NRXN1: variants seen among roughly 807,000 people sequenced by gnomAD.
NRXN1 encodes the protein neurexin-1.
A neutral mutation model predicts 150.9 loss-of-function variants in NRXN1; 39 were observed. The observed-to-expected ratio is 0.26, with a 90% CI of 0.20 to 0.34. NRXN1 has a LOEUF of 0.34. Ranked by LOEUF, NRXN1 falls within the 10% of genes least tolerant of loss-of-function variation. NRXN1 has a pLI of 1.00. For synonymous variants in NRXN1, 924 were observed against 757.0 expected (o/e 1.22, Z -3.62); for missense variants, 1,815 against 1,949.9 (o/e 0.93, Z 1.30).
intron 8 of NRXN1, among the ~76,000 whole-genome samples, chr2:50,612,223 T>C (rs145269490): frequency 7.2e-4 from 106 of 147,282 alleles, no homozygotes; most frequent in African/African-American, 2.5e-3. Flanking sequence ...AGGGATAGTA[T>C]TTATGTGTAC....
At position 50,160,344 on chromosome 2, in the gene NRXN1, C is replaced by T. The variant is rs946372800; in HGVS notation, c.3547-68850G>A. Among the ~76,000 whole-genome samples, 12 of 152,108 alleles carry T rather than the reference C, an allele frequency of 7.9e-5. No homozygotes were observed. The East Asian group carries it at 2.3e-3, about 29-fold the overall frequency. On this transcript the variant is annotated intron_variant, in intron 18 of 22. Transcript: ENST00000401669. ...TCACCTTAGGTCAGGAGTTCGAAAC[C>T]AGCCTGACCAACATGGTGAAAACCC... is the stretch of plus-strand genomic sequence containing the variant.
intron 5 of NRXN1, among the ~76,000 whole-genome samples, chr2:50,831,740 G>A (rs560111361): frequency 1.1e-4 from 17 of 152,298 alleles, no homozygotes; most frequent in African/African-American, 3.8e-4. Flanking sequence ...TGTAACAAGA[G>A]AGCATTCTCC....
At chr2:49,962,397 T>C (rs1676126878) in intron 21 of NRXN1, among the ~76,000 whole-genome samples, 1 of 152,220 alleles carries the variant, frequency 6.6e-6, no homozygotes, top group African/African-American at 2.4e-5. Context: ...CTGTAAAAGT[T>C]TTGTTGCTTC....
chr2:50,497,706 C>A lies in NRXN1; in HGVS notation c.2506G>T (p.Ala836Ser). Residue 836 changes from alanine (A) to serine (S), a missense_variant, in exon 14 of 23, where the codon GCA becomes TCA. Physicochemically the swap from Ala to Ser is moderately conservative, Grantham distance 99. Transcript: ENST00000401669. ...DDQQAMTGQM[A>S]GDHTRLEFHN... ...AACTCCAGCCTAGTATGATCACCTG[C>A]CATTTGACCTAAAAGAGAAGATAAT... 6.2e-7 allele frequency: 1 copy of A among 1,606,772 alleles called. No individual in the cohort carries two copies. The highest frequency in any genetic ancestry group is 8.5e-7 in the Non-Finnish European group (1 of 1,175,354).
intron 5 of NRXN1, among the ~76,000 whole-genome samples, chr2:50,834,563 G>A (rs999297284): frequency 5.9e-5 from 9 of 152,078 alleles, no homozygotes; most frequent in Admixed American, 4.6e-4. Context: ...TTTGAATTGA[G>A]ATAAGAATAA....
chr2:51,029,526 C>G (rs1457408815), intron 1 of NRXN1, among the ~76,000 whole-genome samples: 1 of 152,144 alleles, frequency 6.6e-6, no homozygotes, highest in African/African-American at 2.4e-5. Flanking sequence ...AGAACAAATG[C>G]TTTTAAGGAT....
chr2:51,019,992 C>G (rs1669336268), intron 2 of NRXN1, among the ~76,000 whole-genome samples: 2 of 151,508 alleles, frequency 1.3e-5, no homozygotes, highest in Non-Finnish European at 2.9e-5. Flanking sequence ...TACTTTGTAA[C>G]TAAGCTTTTT....
chr2:50,616,954 C>T (rs1679160400), intron 8 of NRXN1, among the ~76,000 whole-genome samples: 1 of 152,166 alleles, frequency 6.6e-6, no homozygotes, highest in African/African-American at 2.4e-5. Context: ...AAGAGAGATT[C>T]TGTGAGAATG....
At chr2:50,011,818 T>C (rs919207537) in intron 21 of NRXN1, among the ~76,000 whole-genome samples, 2 of 151,926 alleles carry the variant, frequency 1.3e-5, no homozygotes, top group Non-Finnish European at 2.9e-5. Context: ...TCATAGAAAA[T>C]TGGAGATAGG....
chr2:50,324,790 C>T (rs2076280534), intron 17 of NRXN1, among the ~76,000 whole-genome samples: 1 of 152,236 alleles, frequency 6.6e-6, no homozygotes, highest in Non-Finnish European at 1.5e-5. Flanking sequence ...TCACCTCCCA[C>T]CAGATGGCCC....
intron 5 of NRXN1, among the ~76,000 whole-genome samples, chr2:50,649,627 C>A (rs1047253899): frequency 6.6e-6 from 1 of 151,894 alleles, no homozygotes. Context: ...ATTTTTGTGA[C>A]CCTGAAGCCA....
chr2:50,827,071 G>C (rs1342731758), intron 5 of NRXN1, among the ~76,000 whole-genome samples: 1 of 152,184 alleles, frequency 6.6e-6, no homozygotes, highest in Non-Finnish European at 1.5e-5. Context: ...TGTCAACTTT[G>C]TGACTTGCTA....
intron 18 of NRXN1, among the ~76,000 whole-genome samples, chr2:50,105,022 C>T (rs533849608): frequency 6.6e-6 from 1 of 152,144 alleles, no homozygotes; most frequent in African/African-American, 2.4e-5. Context: ...TGAAGTCACG[C>T]AGCTAAAACA....
intron 15 of NRXN1, among the ~76,000 whole-genome samples, chr2:50,474,704 A>AAAAAAAAAC (rs201849403): frequency 6.6e-6 from 1 of 150,508 alleles, no homozygotes; most frequent in Non-Finnish European, 1.5e-5. Flanking sequence ...AAAAAAAAAA[A>AAAAAAAAAC]AAGTCCAACC....
At chr2:50,695,601 A>G (rs1204448245) in intron 5 of NRXN1, among the ~76,000 whole-genome samples, 1 of 152,188 alleles carries the variant, frequency 6.6e-6, no homozygotes, top group Non-Finnish European at 1.5e-5. Context: ...AGCACAAATT[A>G]TTGTACAAAA....
chr2:50,106,639 C>T (rs1701684037), intron 18 of NRXN1, among the ~76,000 whole-genome samples: 1 of 151,810 alleles, frequency 6.6e-6, no homozygotes, highest in African/African-American at 2.4e-5. Flanking sequence ...GATAAACTTT[C>T]CTAGTCAAAA....
chr2:50,111,802 T>G lies in NRXN1; in HGVS notation c.3547-20308A>C, dbSNP rs962154966. 3.9e-5 allele frequency among the ~76,000 whole-genome samples: 6 copies of G among 152,168 alleles called. 1 individual carries two copies. The highest frequency in any genetic ancestry group is 3.3e-4 in the Admixed American group (5 of 15,278). Reference sequence around the variant, plus strand: ...CAGGTTTTCTGCTGGAAAAATCACCTTCCATTCTTTAACTATCAATCCTTA... The same window carrying G: ...CAGGTTTTCTGCTGGAAAAATCACCGTCCATTCTTTAACTATCAATCCTTA... On this transcript the variant is annotated intron_variant, in intron 18 of 22. Transcript: ENST00000401669.
At chr2:50,800,911 A>AT (rs1326226845) in intron 5 of NRXN1, among the ~76,000 whole-genome samples, 5 of 152,144 alleles carry the variant, frequency 3.3e-5, no homozygotes, top group Admixed American at 2.6e-4. Flanking sequence ...ATTTGGAACT[A>AT]TTTTTTAATT....
chr2:49,989,778 T>C (rs1440814006), intron 21 of NRXN1, among the ~76,000 whole-genome samples: 1 of 152,168 alleles, frequency 6.6e-6, no homozygotes, highest in Non-Finnish European at 1.5e-5. Context: ...AAAGTTATGA[T>C]TGGTAGGAAA....
Sources: allele counts gnomAD v4.1 joint callset (sites outside exome capture counted in the v4.1 genomes callset), GRCh38; gene constraint gnomAD v4.1.1; transcripts MANE v1.5; gene names NCBI Gene and HGNC (gene_info 2026-07-23, HGNC 2026-07-21).